The following EFCAB7 variants were observed in gnomAD, a reference collection of about 807,000 sequenced individuals.
The protein encoded by EFCAB7 is EF-hand calcium binding domain 7.
In EFCAB7, 66 loss-of-function variants were observed where a neutral mutation model predicts 77.1. That is an observed-to-expected ratio of 0.86 (90% CI 0.70 to 1.05). The LOEUF is 1.05. EFCAB7 is among the 50% of genes least tolerant of loss of function. The probability of loss-of-function intolerance (pLI) is 0.00; values close to 1 mark genes in which losing one functional copy is unlikely to be tolerated. For missense variants in EFCAB7, 638 were observed against 730.5 expected (o/e 0.87, Z 1.46); for synonymous variants, 225 against 243.3 (o/e 0.92, Z 0.70).
intron 10 of EFCAB7, among the ~76,000 whole-genome samples, chr1:63,559,946 G>A (rs1273642226): frequency 7.2e-6 from 1 of 139,422 alleles, no homozygotes; most frequent in Non-Finnish European, 1.5e-5. Flanking sequence ...AAGTCTTGGA[G>A]TCAAGTGTTA....
At position 63,555,427 on chromosome 1, in the gene EFCAB7, C is replaced by T; in HGVS notation, c.1126C>T (p.Leu376=). 1 of 1,613,770 alleles carries T rather than the reference C, an allele frequency of 6.2e-7. No individual in the cohort carries two copies. Among genetic ancestry groups the T allele is most frequent in the South Asian group, 1.1e-5 (1 of 91,064 alleles). The change falls in exon 9 of 14, where the codon CTG becomes TTG. Residue 376 remains leucine (L), a synonymous_variant. Transcript: ENST00000371088. ...AATTCCTTCCACAACTGGCTGTAGG[C>T]TGAGGAAAAAAATAAAACCAGTAAC... is the stretch of plus-strand genomic sequence containing the variant. ...WLIPSTTGCR[L]RKKIKPVTDE...
chr1:63,526,323 A>G (rs546628292), intron 2 of EFCAB7, among the ~76,000 whole-genome samples: 40 of 152,290 alleles, frequency 2.6e-4, no homozygotes, highest in African/African-American at 9.4e-4. Context: ...TCTTTCCAGG[A>G]GTATCAAATG....
intron 7 of EFCAB7, chr1:63,549,719 T>C (rs1282567144): frequency 4.3e-6 from 1 of 234,084 alleles, no homozygotes; most frequent in African/African-American, 2.4e-5. Flanking sequence ...GGATTACTTA[T>C]AACTTCCATT....
chr1:63,531,031 G>C (rs1221956509), intron 2 of EFCAB7, among the ~76,000 whole-genome samples: 8 of 152,024 alleles, frequency 5.3e-5, no homozygotes, highest in Admixed American at 3.3e-4. Flanking sequence ...TCTTCTAGCT[G>C]TTTTGTAATA....
intron 10 of EFCAB7, among the ~76,000 whole-genome samples, chr1:63,560,512 CTTTTTTTTTT>C (rs11347600): frequency 5.2e-5 from 4 of 77,426 alleles, no homozygotes; most frequent in African/African-American, 2.2e-4. Flanking sequence ...AAACTCTTAA[CTTTTTTTTTT>C]TTTTTTTTTT....
chr1:63,530,215 A>G (rs963262013), intron 2 of EFCAB7, among the ~76,000 whole-genome samples: 2 of 152,164 alleles, frequency 1.3e-5, no homozygotes, highest in African/African-American at 2.4e-5. Context: ...AAATTGTTTT[A>G]TACTTACTGG....
chr1:63,560,937 C>A (rs1446241200), intron 10 of EFCAB7, among the ~76,000 whole-genome samples: 2 of 152,186 alleles, frequency 1.3e-5, no homozygotes, highest in African/African-American at 4.8e-5. Context: ...CTACCCATTT[C>A]CCTTGGATAT....
At chr1:63,580,226 T>G in the EFCAB7 span, among the ~76,000 whole-genome samples, 1 of 152,222 alleles carries the variant, frequency 6.6e-6, no homozygotes, top group Non-Finnish European at 1.5e-5. Context: ...TGATGCATTT[T>G]GAGTTAATTT....
chr1:63,570,038 G>A (rs1002956071), intron 12 of EFCAB7: 1 of 152,064 alleles, frequency 6.6e-6, no homozygotes, highest in Non-Finnish European at 1.5e-5. Context: ...AGACCTTATT[G>A]TTTGCCAGGC....
chr1:63,573,124 G>A (rs189231959), downstream of EFCAB7, among the ~76,000 whole-genome samples: 8,694 of 152,134 alleles, frequency 0.057, 825 homozygotes, highest in African/African-American at 0.2. Flanking sequence ...ATATTAATAA[G>A]AAAAATAAAA....
intron 10 of EFCAB7, among the ~76,000 whole-genome samples, chr1:63,558,368 A>G (rs1378154578): frequency 6.6e-6 from 1 of 152,218 alleles, no homozygotes; most frequent in Non-Finnish European, 1.5e-5. Context: ...ACCATCTACC[A>G]TGTACCAGCT....
chr1:63,527,428 C>T (rs1164273758), intron 2 of EFCAB7, among the ~76,000 whole-genome samples: 1 of 70,084 alleles, frequency 1.4e-5, no homozygotes, highest in Non-Finnish European at 2.5e-5. Context: ...TCATCTATAT[C>T]CTTCTGCCAC....
intron 7 of EFCAB7, chr1:63,549,447 G>A (rs1351003282): frequency 6.5e-6 from 3 of 464,380 alleles, no homozygotes; most frequent in Non-Finnish European, 1.3e-5. Context: ...TATGGATTGA[G>A]TTTGGAGCTT....
chr1:63,583,399 G>C, the EFCAB7 span, among the ~76,000 whole-genome samples: 1 of 152,170 alleles, frequency 6.6e-6, no homozygotes, highest in Non-Finnish European at 1.5e-5. Context: ...TTCTAGATTG[G>C]TTCCATCAAT....
intron 11 of EFCAB7, among the ~76,000 whole-genome samples, chr1:63,566,406 A>G (rs750239901): frequency 1.2e-4 from 18 of 152,240 alleles, no homozygotes; most frequent in Non-Finnish European, 2.5e-4. Flanking sequence ...TACTGGGCTT[A>G]CTACCTGGGT....
chr1:63,554,339 T>C (rs1408744483), intron 8 of EFCAB7, among the ~76,000 whole-genome samples: 1 of 152,130 alleles, frequency 6.6e-6, no homozygotes, highest in Non-Finnish European at 1.5e-5. Context: ...TTTCTTTCTT[T>C]CTTTTGTTTT....
At chr1:63,564,664 C>T (rs999779904) in intron 11 of EFCAB7, among the ~76,000 whole-genome samples, 2 of 152,108 alleles carry the variant, frequency 1.3e-5, no homozygotes. Context: ...CAATGATATT[C>T]CCACTAAACT....
chr1:63,545,771 A>G (rs113053023), intron 6 of EFCAB7, 145 bp from the exon 7 acceptor site: 18 of 715,700 alleles, frequency 2.5e-5, no homozygotes, highest in African/African-American at 1.1e-4. Flanking sequence ...TCTGTTTTCT[A>G]CCTCCTAACT....
At chr1:63,548,967 A>C (rs74078259) in intron 7 of EFCAB7, 2,529 of 155,928 alleles carry the variant, frequency 0.016, 83 homozygotes, top group African/African-American at 0.058. Flanking sequence ...TTTCGGCGCC[A>C]TTTTCGAGTG....
Sources: gnomAD v4.1 joint callset for allele counts (sites outside exome capture counted in the v4.1 genomes callset) on GRCh38, gnomAD v4.1.1 for gene constraint, MANE v1.5 for transcripts, NCBI Gene and HGNC (gene_info 2026-07-23, HGNC 2026-07-21) for gene names.